CUX2: variants seen among roughly 807,000 people sequenced by gnomAD.
The protein encoded by CUX2 is homeobox protein cut-like 2.
Under a neutral mutation model 144.8 loss-of-function variants are expected in CUX2, and 40 were observed. The ratio of observed to expected loss-of-function variants is 0.28; its 90% CI spans 0.21 to 0.36. The LOEUF (loss-of-function observed/expected upper bound fraction) is 0.36. Ranked by LOEUF, CUX2 falls within the 10% of genes least tolerant of loss-of-function variation. The pLI is 1.00. For synonymous variants in CUX2, 827 were observed against 875.6 expected (o/e 0.94, Z 0.98); for missense variants, 1,615 against 1,994.0 (o/e 0.81, Z 3.62).
intron 18 of CUX2, among the ~76,000 whole-genome samples, chr12:111,329,865 G>A (rs1888012429): frequency 6.6e-6 from 1 of 152,176 alleles, no homozygotes; most frequent in Admixed American, 6.5e-5. Flanking sequence ...TCGAACCCCT[G>A]ACCTCAGGTG....
At position 111,077,179 on chromosome 12, in the gene CUX2, C is replaced by T. The variant is rs1028764531; in HGVS notation, c.63+42939C>T. ...TAGTTCAAGGGAAATAATTTATTAA[C>T]TTGGGAATTCCAAATAGTGCTCCCA... On this transcript the variant is annotated intron_variant, in intron 1 of 21. Coordinates refer to ENST00000261726, the MANE Select transcript of CUX2 (RefSeq NM_015267.4). This position sits in a 1 kb window ranked among gnomAD's most constrained non-coding sequence, Gnocchi z 4.1. Among the ~76,000 whole-genome samples the T allele has an allele frequency of 1.3e-5, 2 of 152,222 alleles. No individual in the cohort carries two copies. Among genetic ancestry groups the T allele is most frequent in the African/African-American group, 4.8e-5 (2 of 41,464 alleles).
rs545982836 is a variant in CUX2 at position 111,105,090 on chromosome 12, C to A, written c.63+70850C>A. 2.4e-4 allele frequency among the ~76,000 whole-genome samples: 37 copies of A among 152,328 alleles called. No homozygotes were observed. In the South Asian group the frequency reaches 4.4e-3, roughly 18 times the overall value. On this transcript the variant is annotated intron_variant, in intron 1 of 21. Coordinates refer to ENST00000261726, the MANE Select transcript of CUX2 (RefSeq NM_015267.4). The stretch of plus-strand genomic sequence containing the variant: ...GATCTGTCCAGGGACCTGGGCTCAT[C>A]GCTATCCCCAGAATTGACTCGGGGG...
At chr12:111,132,714 C>G (rs1875579024) in intron 1 of CUX2, among the ~76,000 whole-genome samples, 1 of 151,596 alleles carries the variant, frequency 6.6e-6, no homozygotes, top group African/African-American at 2.4e-5. Flanking sequence ...TTACAGGCAT[C>G]CACCACCACG....
intron 8 of CUX2, among the ~76,000 whole-genome samples, chr12:111,297,156 C>G (rs968265625): frequency 3.3e-5 from 5 of 151,556 alleles, no homozygotes; most frequent in Non-Finnish European, 5.9e-5. Flanking sequence ...AGGCCTTCTC[C>G]CTCTGACCCT....
At chr12:111,250,307 A>ACTGG (rs996158687) in intron 3 of CUX2, among the ~76,000 whole-genome samples, 2 of 152,096 alleles carry the variant, frequency 1.3e-5, no homozygotes, top group Non-Finnish European at 2.9e-5. Flanking sequence ...TTACCACACA[A>ACTGG]CTGGCTCTGA....
intron 3 of CUX2, among the ~76,000 whole-genome samples, chr12:111,251,995 C>T (rs1478823074): frequency 6.6e-6 from 1 of 152,128 alleles, no homozygotes; most frequent in African/African-American, 2.4e-5. Context: ...GCCTGGGCAA[C>T]ATAGCAAGAC....
In CUX2 at chr12:111,310,948, G is replaced by C. The variant is rs1300649313; in HGVS notation, c.1900+266G>C. On this transcript the variant is annotated intron_variant, in intron 15 of 21. Coordinates refer to ENST00000261726, the MANE Select transcript of CUX2 (RefSeq NM_015267.4). The surrounding 1 kb of genome is among the most constrained non-coding windows in gnomAD (Gnocchi z 7.9). Reference sequence around the variant, plus strand: ...CTCAGGGTAAGGGTGGCGGGAAAAGGCTCCAGGCGCTGCCCTGGCAGGTAT... The same window carrying C: ...CTCAGGGTAAGGGTGGCGGGAAAAGCCTCCAGGCGCTGCCCTGGCAGGTAT... Among the ~76,000 whole-genome samples, 1 of 152,238 alleles carries C rather than the reference G, an allele frequency of 6.6e-6. No individual in the cohort carries two copies. The highest frequency in any genetic ancestry group is 1.5e-5 in the Non-Finnish European group (1 of 68,042).
intron 3 of CUX2, among the ~76,000 whole-genome samples, chr12:111,237,592 C>T (rs1882823916): frequency 6.6e-6 from 1 of 152,152 alleles, no homozygotes; most frequent in South Asian, 2.1e-4. Flanking sequence ...ATCCAGCAGC[C>T]CAAGTGAGCT....
At chr12:111,047,551 C>T (rs1248882556) in intron 1 of CUX2, among the ~76,000 whole-genome samples, 3 of 152,150 alleles carry the variant, frequency 2.0e-5, no homozygotes, top group Non-Finnish European at 4.4e-5. Context: ...ATTGAATCCT[C>T]CCAGCATCCC....
chr12:111,178,499 C>T lies in CUX2; in HGVS notation c.64-35701C>T, dbSNP rs1375588194. On this transcript the variant is annotated intron_variant, in intron 1 of 21. Coordinates refer to ENST00000261726, the MANE Select transcript of CUX2 (RefSeq NM_015267.4). The surrounding 1 kb of genome is among the most constrained non-coding windows in gnomAD (Gnocchi z 5.7). ...TGACCCGGTCCAGCCACTCCCCCTC[C>T]CCCATTTAAAACACAGAACGTGACT... Among the ~76,000 whole-genome samples, 1 of 152,196 alleles carries T rather than the reference C, an allele frequency of 6.6e-6. No individual in the cohort carries two copies. Among genetic ancestry groups the T allele is most frequent in the African/African-American group, 2.4e-5 (1 of 41,426 alleles).
At chr12:111,052,160 A>ACTTCTTCCCATC (rs1483290070) in intron 1 of CUX2, among the ~76,000 whole-genome samples, 1 of 151,938 alleles carries the variant, frequency 6.6e-6, no homozygotes, top group Non-Finnish European at 1.5e-5. Context: ...CTCTTCCCAT[A>ACTTCTTCCCATC]CTTCTTCCCA....
Position 111,217,917 on chromosome 12 carries a change from T to A in CUX2, c.202T>A (p.Leu68Ile). The A allele has an allele frequency of 6.2e-7, 1 of 1,614,024 alleles. No individual in the cohort carries two copies. Among genetic ancestry groups the A allele is most frequent in the South Asian group, 1.1e-5 (1 of 91,074 alleles). The change falls in exon 3 of 22, where the codon TTA becomes ATA. Residue 68 changes from leucine to isoleucine, a missense_variant. Coordinates refer to ENST00000261726, the MANE Select transcript of CUX2 (RefSeq NM_015267.4). ...AATCAGAGAGATGGTGGCTCCTGTA[T>A]TAAAAAGCTTCCAAGCCGAGGTAAG... ...EEIREMVAPV[L>I]KSFQAEVVAL...
intron 1 of CUX2, among the ~76,000 whole-genome samples, chr12:111,087,748 A>G (rs1473704849): frequency 6.6e-6 from 1 of 152,220 alleles, no homozygotes; most frequent in Non-Finnish European, 1.5e-5. Context: ...TGTGTGATGG[A>G]TATCTGTTGA....
At chr12:111,074,915 G>A (rs951665028) in intron 1 of CUX2, among the ~76,000 whole-genome samples, 1 of 150,556 alleles carries the variant, frequency 6.6e-6, no homozygotes, top group African/African-American at 2.5e-5. Context: ...ATCTAGCCAG[G>A]TAAGGTTTGC....
In CUX2 at chr12:111,037,447, C is replaced by T. The variant is rs1592840021; in HGVS notation, c.63+3207C>T. Among the ~76,000 whole-genome samples, 1 of 152,354 alleles carries T rather than the reference C, an allele frequency of 6.6e-6. No homozygotes were observed. Among genetic ancestry groups the T allele is most frequent in the East Asian group, 1.9e-4 (1 of 5,190 alleles). ...TATTCCTTCCAGCGCCGTCTCTGTA[C>T]ACAGCAGGGCTGTTTTCCTAGGCTG... On this transcript the variant is annotated intron_variant, in intron 1 of 21. Transcript: ENST00000261726. The surrounding 1 kb of genome is among the most constrained non-coding windows in gnomAD (Gnocchi z 5.4).
Position 111,255,781 on chromosome 12 carries a change from C to T in CUX2, c.223-7980C>T, listed in dbSNP as rs143164707. Among the ~76,000 whole-genome samples, 358 of 152,300 alleles carry T rather than the reference C, an allele frequency of 2.4e-3. 1 individual carries two copies. Among genetic ancestry groups the T allele is most frequent in the Admixed American group, 4.9e-3 (75 of 15,300 alleles). ...GTCAGTGCTCAGTAGTCACTGTTAT[C>T]ATCAATAATAATGCACAAATCAGCC... is the stretch of plus-strand genomic sequence containing the variant. On this transcript the variant is annotated intron_variant, in intron 3 of 21. Transcript: ENST00000261726. This position sits in a 1 kb window ranked among gnomAD's most constrained non-coding sequence, Gnocchi z 4.1.
At chr12:111,198,450 G>T (rs1230406932) in intron 1 of CUX2, among the ~76,000 whole-genome samples, 1 of 149,582 alleles carries the variant, frequency 6.7e-6, no homozygotes, top group East Asian at 2.0e-4. Context: ...ACTCCAACCT[G>T]AGGTACAGAG....
chr12:111,054,034 A>G (rs1870405318), intron 1 of CUX2, among the ~76,000 whole-genome samples: 1 of 152,176 alleles, frequency 6.6e-6, no homozygotes, highest in Non-Finnish European at 1.5e-5. Context: ...CACGCCTGTA[A>G]TCCCAGCTAC....
At chr12:111,342,129 G>A (rs1380259537) in intron 21 of CUX2, 76 bp downstream of exon 21, 40 of 1,517,984 alleles carry the variant, frequency 2.6e-5, no homozygotes, top group Non-Finnish European at 3.6e-5. Context: ...AGGGCCTGGA[G>A]GGAGCCCCAC....
Sources: allele counts gnomAD v4.1 joint callset (sites outside exome capture counted in the v4.1 genomes callset), GRCh38; gene constraint gnomAD v4.1.1; non-coding constraint Gnocchi (gnomAD v3.1); transcripts MANE v1.5; gene names NCBI Gene and HGNC (gene_info 2026-07-23, HGNC 2026-07-21).